The following PCDH9 variants were observed in gnomAD, a reference collection of about 807,000 sequenced individuals.
The protein encoded by PCDH9 is protocadherin 9.
Under a neutral mutation model 70.6 loss-of-function variants are expected in PCDH9, and 24 were observed. The observed-to-expected ratio is 0.34, with a 90% CI of 0.25 to 0.48. The LOEUF is 0.48. PCDH9 is among the 20% of genes least tolerant of loss of function. The probability of loss-of-function intolerance (pLI) is 0.99; values close to 1 mark genes in which losing one functional copy is unlikely to be tolerated. For missense variants in PCDH9, 1,281 were observed against 1,503.6 expected (o/e 0.85, Z 2.45); for synonymous variants, 562 against 558.5 (o/e 1.01, Z -0.09).
rs113680928 is a variant in PCDH9, at chr13:66,710,345, C to T, written c.3139-78934G>A. ...AACAGAATGCTTTGCTCTATTCTGGCACCATAAAAAATAACACCTAACCTT... is the reference window on the plus strand; with the variant it reads ...AACAGAATGCTTTGCTCTATTCTGGTACCATAAAAAATAACACCTAACCTT... On this transcript the variant is annotated intron_variant, in intron 3 of 4. Coordinates refer to ENST00000377865, the MANE Select transcript of PCDH9 (RefSeq NM_203487.3). Among the ~76,000 whole-genome samples, 121 of 152,156 alleles carry T rather than the reference C, an allele frequency of 8.0e-4. 1 individual carries two copies. The highest frequency in any genetic ancestry group is 2.8e-3 in the African/African-American group (117 of 41,520).
At chr13:67,067,501 T>A (rs946145935) in intron 2 of PCDH9, among the ~76,000 whole-genome samples, 4 of 152,096 alleles carry the variant, frequency 2.6e-5, no homozygotes, top group Non-Finnish European at 5.9e-5. Context: ...CACCTGTGGA[T>A]CACAGCTACC....
At chr13:66,778,026 G>C (rs1420414541) in intron 3 of PCDH9, among the ~76,000 whole-genome samples, 1 of 149,630 alleles carries the variant, frequency 6.7e-6, no homozygotes. Flanking sequence ...GTAAACTATC[G>C]CAAGAACAAA....
chr13:66,361,957 A>T (rs1956478670), intron 4 of PCDH9, among the ~76,000 whole-genome samples: 1 of 152,112 alleles, frequency 6.6e-6, no homozygotes, highest in Admixed American at 6.6e-5. Flanking sequence ...ACAATCTCTT[A>T]CTAATTTTGT....
chr13:66,952,100 C>A (rs1157725194), intron 2 of PCDH9, among the ~76,000 whole-genome samples: 1 of 152,118 alleles, frequency 6.6e-6, no homozygotes, highest in Non-Finnish European at 1.5e-5. Flanking sequence ...ATATGACATT[C>A]CTCATATGAA....
chr13:66,487,012 A>G (rs886862941), intron 4 of PCDH9, among the ~76,000 whole-genome samples: 1 of 152,208 alleles, frequency 6.6e-6, no homozygotes, highest in Non-Finnish European at 1.5e-5. Context: ...TCACATGACT[A>G]GTGAGTTTAA....
At chr13:67,063,879 T>C (rs752826688) in intron 2 of PCDH9, among the ~76,000 whole-genome samples, 1 of 152,162 alleles carries the variant, frequency 6.6e-6, no homozygotes, top group Non-Finnish European at 1.5e-5. Context: ...TGATAGGTAC[T>C]ATGAGGAATT....
chr13:66,337,960 T>G (rs1002485969), intron 4 of PCDH9, among the ~76,000 whole-genome samples: 3 of 152,086 alleles, frequency 2.0e-5, no homozygotes, highest in Non-Finnish European at 4.4e-5. Flanking sequence ...ATAAAGGGAA[T>G]GCCCACAATC....
chr13:66,715,369 G>T (rs564955149), intron 3 of PCDH9, among the ~76,000 whole-genome samples: 1 of 152,004 alleles, frequency 6.6e-6, no homozygotes, highest in African/African-American at 2.4e-5. Flanking sequence ...TTGTGTTTCG[G>T]TAATGCTAAT....
intron 2 of PCDH9, among the ~76,000 whole-genome samples, chr13:67,163,898 G>C (rs1489389722): frequency 6.6e-6 from 1 of 152,154 alleles, no homozygotes; most frequent in Non-Finnish European, 1.5e-5. Context: ...GAAGCATAAT[G>C]ACATCCTATA....
At chr13:66,430,351 C>T (rs1957749805) in intron 4 of PCDH9, among the ~76,000 whole-genome samples, 1 of 151,900 alleles carries the variant, frequency 6.6e-6, no homozygotes. Context: ...ATAAATTTTG[C>T]TTGGTATAAG....
At chr13:66,747,859 G>A (rs1272234542) in intron 3 of PCDH9, among the ~76,000 whole-genome samples, 2 of 152,030 alleles carry the variant, frequency 1.3e-5, no homozygotes, top group Non-Finnish European at 2.9e-5. Context: ...TTTATTAATT[G>A]TGGTGTCTAA....
At chr13:66,346,958 C>A (rs1377272295) in intron 4 of PCDH9, among the ~76,000 whole-genome samples, 2 of 152,090 alleles carry the variant, frequency 1.3e-5, no homozygotes, top group Admixed American at 6.6e-5. Context: ...TGCTAATTTC[C>A]CCCCAATAAA....
chr13:67,151,686 A>G (rs1351329221), intron 2 of PCDH9, among the ~76,000 whole-genome samples: 2 of 152,036 alleles, frequency 1.3e-5, no homozygotes, highest in Non-Finnish European at 2.9e-5. Context: ...CTATACTTAG[A>G]GGAAGAAAAA....
intron 3 of PCDH9, among the ~76,000 whole-genome samples, chr13:66,784,493 C>A (rs1194236332): frequency 1.3e-5 from 2 of 152,120 alleles, no homozygotes; most frequent in African/African-American, 4.8e-5. Flanking sequence ...CTGGACCACC[C>A]ATCTTCAGAC....
intron 2 of PCDH9, among the ~76,000 whole-genome samples, chr13:67,181,265 A>G (rs2088607572): frequency 6.6e-6 from 1 of 152,218 alleles, no homozygotes; most frequent in African/African-American, 2.4e-5. Flanking sequence ...TATAGTGCAA[A>G]TAATTTTTTT....
chr13:66,549,649 T>A (rs747097935), intron 4 of PCDH9, among the ~76,000 whole-genome samples: 1 of 152,142 alleles, frequency 6.6e-6, no homozygotes, highest in Non-Finnish European at 1.5e-5. Context: ...AGAGTTTGAA[T>A]CAAAAATTTG....
chr13:66,536,325 A>C lies in PCDH9; in HGVS notation c.3340+94885T>G, dbSNP rs149396071. ...TTCCTTTTATACCATGCAGGTGTGA[A>C]TGTAATAACAGCAACAACAAAAACA... On this transcript the variant is annotated intron_variant, in intron 4 of 4. Transcript: ENST00000377865. 2.0e-5 allele frequency among the ~76,000 whole-genome samples: 3 copies of C among 152,232 alleles called. No homozygotes were observed. The East Asian group carries it at 5.8e-4, about 29-fold the overall frequency.
intron 2 of PCDH9, among the ~76,000 whole-genome samples, chr13:66,970,084 C>T (rs1299238274): frequency 6.6e-6 from 1 of 152,012 alleles, no homozygotes; most frequent in African/African-American, 2.4e-5. Flanking sequence ...CTGCCTCAGA[C>T]ATTCTTGCAA....
chr13:67,096,238 T>G (rs1044143178), intron 2 of PCDH9, among the ~76,000 whole-genome samples: 1 of 152,150 alleles, frequency 6.6e-6, no homozygotes, highest in African/African-American at 2.4e-5. Context: ...GCACTTTCCT[T>G]ATCAGTTTAT....
Sources: allele counts gnomAD v4.1 joint callset (sites outside exome capture counted in the v4.1 genomes callset), GRCh38; gene constraint gnomAD v4.1.1; transcripts MANE v1.5; gene names NCBI Gene and HGNC (gene_info 2026-07-23, HGNC 2026-07-21).